The following CLASP2 variants were observed in gnomAD, a reference collection of about 807,000 sequenced individuals.
CLASP2 encodes CLIP-associating protein 2.
CLASP2 carries 47 observed loss-of-function variants against 194.4 expected under a neutral mutation model. That is an observed-to-expected ratio of 0.24 (90% confidence interval 0.19 to 0.31). The LOEUF is 0.31. Ranked by LOEUF, CLASP2 falls within the 10% of genes least tolerant of loss-of-function variation. The pLI, the probability that CLASP2 is intolerant of heterozygous loss-of-function variation, is 1.00. For missense variants in CLASP2, 1,445 were observed against 1,823.6 expected, an observed-to-expected ratio of 0.79 and a Z score of 3.78; for synonymous variants, 619 against 633.5, an observed-to-expected ratio of 0.98 and a Z score of 0.34.
chr3:33,510,185 T>C (rs146523853), intron 37 of CLASP2, among the ~76,000 whole-genome samples: 381 of 151,596 alleles, frequency 2.5e-3, no homozygotes, highest in African/African-American at 9.0e-3. Flanking sequence ...TAGCAGAAAA[T>C]AGAATAGAGG....
intron 23 of CLASP2, among the ~76,000 whole-genome samples, chr3:33,578,959 T>C (rs1205264624): frequency 6.6e-6 from 1 of 152,120 alleles, no homozygotes; most frequent in Admixed American, 6.5e-5. Context: ...TATCCAGCCA[T>C]AAGCAACAAG....
At chr3:33,696,676 G>C (rs1178470153) in intron 2 of CLASP2, among the ~76,000 whole-genome samples, 179 bp downstream of exon 2, 1 of 151,998 alleles carries the variant, frequency 6.6e-6, no homozygotes, top group Non-Finnish European at 1.5e-5. Flanking sequence ...ATGTTGGCCA[G>C]GCTGGTCTCA....
intron 21 of CLASP2, among the ~76,000 whole-genome samples, chr3:33,587,423 C>T (rs1022762382): frequency 4.6e-5 from 7 of 152,148 alleles, no homozygotes; most frequent in South Asian, 2.1e-4. Context: ...CGCACCCGGC[C>T]GATCTGTGAT....
intron 1 of CLASP2, among the ~76,000 whole-genome samples, chr3:33,717,299 G>A (rs2093341641): frequency 1.3e-5 from 2 of 152,048 alleles, no homozygotes; most frequent in African/African-American, 4.8e-5. Context: ...AACGTGTCAC[G>A]GAATCGCTGA....
At chr3:33,710,240 A>T (rs1000073702) in intron 1 of CLASP2, among the ~76,000 whole-genome samples, 2 of 152,214 alleles carry the variant, frequency 1.3e-5, no homozygotes, top group African/African-American at 2.4e-5. Flanking sequence ...TCCTCATCCT[A>T]AGGGTCTTAG....
intron 1 of CLASP2, among the ~76,000 whole-genome samples, chr3:33,705,398 A>G (rs2092627296): frequency 6.6e-6 from 1 of 152,186 alleles, no homozygotes; most frequent in Non-Finnish European, 1.5e-5. Context: ...TGGGGTGGGT[A>G]TGGAGGGTGG....
At chr3:33,508,476 G>A (rs1033320111) in intron 37 of CLASP2, among the ~76,000 whole-genome samples, 11 of 151,848 alleles carry the variant, frequency 7.2e-5, no homozygotes, top group East Asian at 1.9e-4. Flanking sequence ...AATTACAGGC[G>A]TCTGCCACCA....
chr3:33,606,734 G>A lies in CLASP2; in HGVS notation c.1551C>T (p.His517=). 1 of 1,612,518 alleles carries A rather than the reference G, an allele frequency of 6.2e-7. No individual in the cohort carries two copies. Among genetic ancestry groups the A allele is most frequent in the East Asian group, 2.2e-5 (1 of 44,860 alleles). ...ATAATGTTTCAGCTTCACCAGGAAA[G>A]TGGTTTCTAAGACCCATGTATGTCC... is the stretch of plus-strand genomic sequence containing the variant. ...ARKTYMGLRN[H]FPGEAETLYN... The change falls in exon 16 of 39, where the codon CAC becomes CAT. Residue 517 remains histidine (H), a synonymous_variant. Coordinates refer to ENST00000682230, the MANE Select transcript of CLASP2 (RefSeq NM_001365631.1).
chr3:33,511,608 T>A (rs185067015), intron 36 of CLASP2, among the ~76,000 whole-genome samples: 2 of 152,164 alleles, frequency 1.3e-5, no homozygotes, highest in Non-Finnish European at 2.9e-5. Flanking sequence ...TGTATTGAGC[T>A]TGGGGAGGGT....
intron 1 of CLASP2, among the ~76,000 whole-genome samples, chr3:33,703,698 C>G (rs962817770): frequency 6.6e-6 from 1 of 152,192 alleles, no homozygotes; most frequent in Non-Finnish European, 1.5e-5. Context: ...GTTGCCCAAG[C>G]TGGTCTTGAA....
At chr3:33,551,011 G>A (rs759820175) in intron 30 of CLASP2, among the ~76,000 whole-genome samples, 6 of 152,202 alleles carry the variant, frequency 3.9e-5, no homozygotes, top group African/African-American at 1.2e-4. Flanking sequence ...GAAATATTCC[G>A]AATGGTGATA....
chr3:33,654,052 G>C (rs888854405), intron 7 of CLASP2, among the ~76,000 whole-genome samples: 2 of 146,012 alleles, frequency 1.4e-5, no homozygotes, highest in East Asian at 3.9e-4. Flanking sequence ...AAAAAAGAAC[G>C]AACAGCTACT....
intron 6 of CLASP2, chr3:33,683,104 A>ATGAAT (rs1242113427): frequency 1.3e-5 from 2 of 152,226 alleles, no homozygotes; most frequent in Admixed American, 1.3e-4. Flanking sequence ...GATTTACTTG[A>ATGAAT]TGAATGAATT....
chr3:33,501,432 C>A (rs1238035247), intron 38 of CLASP2, among the ~76,000 whole-genome samples: 2 of 152,094 alleles, frequency 1.3e-5, no homozygotes, highest in Non-Finnish European at 2.9e-5. Flanking sequence ...CAGAAACCTA[C>A]CCATCACCCC....
chr3:33,570,585 G>T, intron 26 of CLASP2, 142 bp downstream of exon 26: 2 of 1,044,984 alleles, frequency 1.9e-6, no homozygotes, highest in South Asian at 1.5e-5. Context: ...AATTACGTAT[G>T]ATACCAAACA....
At chr3:33,659,174 GT>G (rs1372129097) in intron 7 of CLASP2, 7 of 1,375,694 alleles carry the variant, frequency 5.1e-6, no homozygotes, top group Non-Finnish European at 5.6e-6. Context: ...CAAAATAAAA[GT>G]CTGGGGTCTT....
intron 6 of CLASP2, among the ~76,000 whole-genome samples, chr3:33,669,827 A>C (rs1246413847): frequency 6.6e-6 from 1 of 152,194 alleles, no homozygotes; most frequent in Non-Finnish European, 1.5e-5. Flanking sequence ...TGATAATACA[A>C]ATGGGATACA....
chr3:33,572,223 C>G lies in CLASP2; in HGVS notation c.2699+887G>C, dbSNP rs547164177. Among the ~76,000 whole-genome samples the G allele has an allele frequency of 2.6e-5, 4 of 152,276 alleles. No individual in the cohort carries two copies. The South Asian group carries it at 6.2e-4, about 24-fold the overall frequency. On this transcript the variant is annotated intron_variant, in intron 25 of 38. Transcript: ENST00000682230. ...AATCATTCTAAACTATGCCTACTCC[C>G]TTGCCATTTACAATGGCACGCTGAA...
intron 7 of CLASP2, among the ~76,000 whole-genome samples, chr3:33,647,777 G>A (rs1436545133): frequency 6.6e-6 from 1 of 152,204 alleles, no homozygotes; most frequent in Non-Finnish European, 1.5e-5. Context: ...GCTCACGCCT[G>A]TAATCCCAGC....
Sources: allele counts gnomAD v4.1 joint callset (sites outside exome capture counted in the v4.1 genomes callset), GRCh38; gene constraint gnomAD v4.1.1; transcripts MANE v1.5; gene names NCBI Gene and HGNC (gene_info 2026-07-23, HGNC 2026-07-21).